HMCN1: variants seen among roughly 807,000 people sequenced by gnomAD.
The protein encoded by HMCN1 is hemicentin-1.
Under a neutral mutation model 625.9 loss-of-function variants are expected in HMCN1, and 321 were observed. The ratio of observed to expected loss-of-function variants is 0.51; its 90% CI spans 0.47 to 0.56. The LOEUF is 0.56. Among genes scored for constraint, HMCN1 ranks in the 20% least tolerant of loss-of-function variants. HMCN1 has a pLI of 0.00. For missense variants in HMCN1, 6,588 were observed against 6,887.3 expected (o/e 0.96, Z 1.54); for synonymous variants, 2,425 against 2,417.6 (o/e 1.00, Z -0.09).
chr1:185,974,531 T>C (rs1418011138), intron 15 of HMCN1, among the ~76,000 whole-genome samples: 2 of 152,168 alleles, frequency 1.3e-5, no homozygotes, highest in East Asian at 1.9e-4. Flanking sequence ...GCCTCCTCTG[T>C]AGAAGCACCG....
Position 185,990,540 on chromosome 1 carries a change from T to A in HMCN1, c.3377+97T>A. ...TCAGGTTATCAAACGTCTCAAAAAA[T>A]CACCTTTAAAATTGAGATAATTCAC... On this transcript the variant is annotated intron_variant, in intron 22 of 106. Transcript: ENST00000271588. The A allele has an allele frequency of 2.0e-5, 21 of 1,027,438 alleles. No individual in the cohort carries two copies. The South Asian group carries it at 2.7e-4, about 13-fold the overall frequency. 63.6% of individuals were successfully genotyped at this position (1,027,438 alleles called of 1,614,324 possible).
intron 97 of HMCN1, among the ~76,000 whole-genome samples, chr1:186,163,288 C>G (rs371434247): frequency 2.6e-5 from 4 of 152,164 alleles, no homozygotes; most frequent in Non-Finnish European, 5.9e-5. Context: ...GGGAGTGACC[C>G]GATTTTCCAG....
chr1:186,003,992 A>T (rs757516117), intron 29 of HMCN1, 148 bp downstream of exon 29: 7 of 754,172 alleles, frequency 9.3e-6, no homozygotes, highest in African/African-American at 3.6e-5. Context: ...CTCAAAAGCT[A>T]GTCTGAAAGT....
chr1:185,756,211 A>C (rs1017170733), intron 1 of HMCN1, among the ~76,000 whole-genome samples: 7 of 152,170 alleles, frequency 4.6e-5, no homozygotes, highest in Non-Finnish European at 7.4e-5. Flanking sequence ...GAGAAGAGAC[A>C]GTTGTTAAAG....
chr1:185,876,055 C>T (rs1286815240), intron 4 of HMCN1, among the ~76,000 whole-genome samples: 1 of 151,954 alleles, frequency 6.6e-6, no homozygotes, highest in Non-Finnish European at 1.5e-5. Context: ...TTTTTCAACC[C>T]TCGCCACCAC....
rs1650833227 is a variant in HMCN1, at chr1:186,153,988, G to T, written c.15256+1G>T. 1.9e-6 allele frequency: 3 copies of T among 1,606,816 alleles called. No individual in the cohort carries two copies. Among genetic ancestry groups the T allele is most frequent in the Non-Finnish European group, 2.6e-6 (3 of 1,173,644 alleles). ...AAAATTCATGCTTCAATATCCAAAG[G>T]TAATTTGATAAAAGAAAATCCATAT... On this transcript the variant is annotated splice_donor_variant, in intron 97 of 106. Coordinates refer to ENST00000271588, the MANE Select transcript of HMCN1 (RefSeq NM_031935.3). LOFTEE classifies it high-confidence loss of function.
At chr1:185,943,506 A>G (rs1277740400) in intron 11 of HMCN1, among the ~76,000 whole-genome samples, 1 of 152,190 alleles carries the variant, frequency 6.6e-6, no homozygotes, top group African/African-American at 2.4e-5. Flanking sequence ...GGGAAAAAAT[A>G]GTTTTTTCCT....
intron 4 of HMCN1, among the ~76,000 whole-genome samples, chr1:185,898,941 G>A (rs1044858903): frequency 6.6e-6 from 1 of 152,000 alleles, no homozygotes; most frequent in East Asian, 1.9e-4. Context: ...TGGTAAATGG[G>A]TTGCAATCAA....
chr1:186,136,435 G>T (rs1379352432), intron 86 of HMCN1, among the ~76,000 whole-genome samples: 1 of 152,080 alleles, frequency 6.6e-6, no homozygotes, highest in Non-Finnish European at 1.5e-5. Flanking sequence ...TGACTCTAGA[G>T]CCCATGCTCT....
chr1:186,144,145 T>A, intron 89 of HMCN1, 28 bp from the exon 90 acceptor site: 1 of 1,560,494 alleles, frequency 6.4e-7, no homozygotes, highest in South Asian at 1.2e-5. Context: ...GTTCTGTGAC[T>A]TGCAACTGTC....
At chr1:186,119,921 C>T in intron 79 of HMCN1, 39 bp downstream of exon 79, 1 of 1,613,920 alleles carries the variant, frequency 6.2e-7, no homozygotes, top group Non-Finnish European at 8.5e-7. Context: ...AATCATAGCA[C>T]ATCAGTGTTT....
intron 4 of HMCN1, among the ~76,000 whole-genome samples, chr1:185,876,446 C>A (rs969459363): frequency 2.0e-5 from 3 of 152,050 alleles, no homozygotes; most frequent in Admixed American, 6.6e-5. Context: ...TTTGCTGGGT[C>A]AAATGGTAGT....
chr1:186,115,475 T>A lies in HMCN1; in HGVS notation c.11561+61T>A, dbSNP rs1661091938. 4 of 1,485,096 alleles carry A rather than the reference T, an allele frequency of 2.7e-6. No homozygotes were observed. The East Asian group carries it at 9.2e-5, about 34-fold the overall frequency. 92.0% of individuals were successfully genotyped at this position (1,485,096 alleles called of 1,614,324 possible). A position where few individuals can be genotyped will look rare whatever the true frequency, so the allele number is the denominator to read the frequency against. ...AAACAGTTTGTAATGAATCAACATT[T>A]TAATTCTATCAGTGGGGTCAGCAAA... On this transcript the variant is annotated intron_variant, in intron 75 of 106. Transcript: ENST00000271588.
rs149151239 is a variant in HMCN1 at position 186,015,347 on chromosome 1, C to T, written c.4819C>T (p.Arg1607Ter). 3 of 1,613,644 alleles carry T rather than the reference C, an allele frequency of 1.9e-6. No homozygotes were observed. The highest frequency in any genetic ancestry group is 2.2e-5 in the East Asian group (1 of 44,830). Residue 1607 changes from arginine to a stop codon, truncating the protein, a stop_gained, in exon 31 of 107, where the codon CGA becomes TGA. Transcript: ENST00000271588. LOFTEE classifies it high-confidence loss of function. ...TAAAGGACAATATCTTCATATTCCT[C>T]GAGCACAGGTCTCTGATTCAGCAAC... ...IDKGQYLHIP[R>*]AQVSDSATYT... is the part of the protein sequence containing the mutation.
At chr1:185,932,930 G>A (rs1366988774) in intron 10 of HMCN1, among the ~76,000 whole-genome samples, 1 of 152,116 alleles carries the variant, frequency 6.6e-6, no homozygotes, top group African/African-American at 2.4e-5. Flanking sequence ...ATTGGCCTTT[G>A]ACCATATCTG....
chr1:186,141,365 G>A (rs533377073), intron 89 of HMCN1, among the ~76,000 whole-genome samples: 2 of 152,084 alleles, frequency 1.3e-5, no homozygotes, highest in African/African-American at 4.8e-5. Flanking sequence ...AGGCAGGCTT[G>A]TCTGGGCTGG....
chr1:186,055,351 C>T, intron 44 of HMCN1, 42 bp from the exon 45 acceptor site: 2 of 1,590,530 alleles, frequency 1.3e-6, no homozygotes, highest in East Asian at 2.2e-5. Context: ...TTGAAGCAAA[C>T]ATTTCCTCTT....
chr1:185,851,811 C>A (rs1450815209), intron 2 of HMCN1, among the ~76,000 whole-genome samples: 1 of 151,822 alleles, frequency 6.6e-6, no homozygotes. Context: ...ACACACCCCC[C>A]CCAACACACA....
chr1:185,966,064 C>A (rs1011832602), intron 14 of HMCN1, 149 bp downstream of exon 14: 2 of 668,866 alleles, frequency 3.0e-6, no homozygotes, highest in Non-Finnish European at 5.4e-6. Flanking sequence ...GTTCAAAATT[C>A]TCAACTCTGA....
Sources: allele counts gnomAD v4.1 joint callset (sites outside exome capture counted in the v4.1 genomes callset), GRCh38; gene constraint gnomAD v4.1.1; transcripts MANE v1.5; gene names NCBI Gene and HGNC (gene_info 2026-07-23, HGNC 2026-07-21).